The following PPME1 variants were observed in gnomAD, a reference collection of about 807,000 sequenced individuals.
PPME1 encodes testicular secretory protein Li 39.
A neutral mutation model predicts 56.9 loss-of-function variants in PPME1; 17 were observed. That is an observed-to-expected ratio of 0.30 (90% CI 0.20 to 0.45). PPME1 has a LOEUF of 0.45. Among genes scored for constraint, PPME1 ranks in the 20% least tolerant of loss-of-function variants. PPME1 has a pLI of 1.00. For missense variants in PPME1, 357 were observed against 483.2 expected (o/e 0.74, Z 2.45); for synonymous variants, 122 against 156.2 (o/e 0.78, Z 1.63).
At chr11:74,224,215 G>A (rs1274177886) in intron 4 of PPME1, among the ~76,000 whole-genome samples, 12 of 148,456 alleles carry the variant, frequency 8.1e-5, no homozygotes, top group Non-Finnish European at 7.4e-5. Flanking sequence ...TTTCCCCATT[G>A]CTTGTTTTTC....
chr11:74,225,403 G>C (rs1377156310), intron 5 of PPME1, 147 bp downstream of exon 5: 6 of 553,062 alleles, frequency 1.1e-5, no homozygotes, highest in African/African-American at 5.8e-5. Context: ...TCTACTTCTG[G>C]TTTCTCCTTA....
intron 11 of PPME1, 23 bp downstream of exon 11, chr11:74,247,146 C>A (rs1210957619): frequency 1.9e-6 from 3 of 1,592,792 alleles, no homozygotes; most frequent in East Asian, 4.5e-5. Flanking sequence ...GAAATTATAC[C>A]CCTGGACCCT....
At chr11:74,233,473 C>T (rs1859118154) in intron 7 of PPME1, among the ~76,000 whole-genome samples, 1 of 151,584 alleles carries the variant, frequency 6.6e-6, no homozygotes, top group South Asian at 2.1e-4. Flanking sequence ...TGCTTTTGCT[C>T]TCATAGGTTT....
chr11:74,232,673 ACT>A (rs1859096371), intron 7 of PPME1, among the ~76,000 whole-genome samples: 1 of 143,782 alleles, frequency 7.0e-6, no homozygotes, highest in African/African-American at 2.6e-5. Flanking sequence ...TTTTATCCAA[ACT>A]TTTTTTTTTT....
At chr11:74,213,756 A>G (rs982831824) in intron 3 of PPME1, among the ~76,000 whole-genome samples, 1 of 152,262 alleles carries the variant, frequency 6.6e-6, no homozygotes, top group Admixed American at 6.5e-5. Flanking sequence ...TGAGTCTGCA[A>G]GAGCTAGGTG....
intron 8 of PPME1, chr11:74,238,858 A>G (rs1859267769): frequency 7.7e-6 from 2 of 258,082 alleles, no homozygotes; most frequent in Non-Finnish European, 1.5e-5. Flanking sequence ...AAGATTATAT[A>G]AGATTATGCC....
chr11:74,242,435 T>G (rs2135674063), intron 9 of PPME1, among the ~76,000 whole-genome samples: 1 of 152,352 alleles, frequency 6.6e-6, no homozygotes, highest in Non-Finnish European at 1.5e-5. Flanking sequence ...TTTGTTCTTC[T>G]TTTTCAAGGT....
At chr11:74,220,012 A>G (rs770363043) in intron 3 of PPME1, among the ~76,000 whole-genome samples, 1 of 152,122 alleles carries the variant, frequency 6.6e-6, no homozygotes, top group Non-Finnish European at 1.5e-5. Context: ...CAGAATATCT[A>G]ATGTACTCCA....
chr11:74,198,988 G>A (rs993796125), intron 1 of PPME1: 2 of 152,136 alleles, frequency 1.3e-5, no homozygotes, highest in African/African-American at 2.4e-5. Flanking sequence ...CTATCTAATT[G>A]TGTCAGCTTC....
At chr11:74,217,910 C>T (rs923273474) in intron 3 of PPME1, among the ~76,000 whole-genome samples, 1 of 152,214 alleles carries the variant, frequency 6.6e-6, no homozygotes, top group East Asian at 1.9e-4. Context: ...TGTTATTCAA[C>T]ATATTATTGG....
chr11:74,188,190 C>CTTTTTTT (rs557437447), intron 1 of PPME1, among the ~76,000 whole-genome samples: 1 of 136,762 alleles, frequency 7.3e-6, no homozygotes. Flanking sequence ...TCCTTTTTCT[C>CTTTTTTT]TTTTTTTTTT....
At chr11:74,247,468 G>T in intron 11 of PPME1, 1 of 159,922 alleles carries the variant, frequency 6.3e-6, no homozygotes, top group East Asian at 1.7e-4. Flanking sequence ...CTACTGATCA[G>T]TTTTTTGTTT....
chr11:74,212,690 G>A (rs146744905), intron 3 of PPME1, among the ~76,000 whole-genome samples: 3 of 152,226 alleles, frequency 2.0e-5, no homozygotes, highest in Admixed American at 6.5e-5. Flanking sequence ...GCACCAGGCA[G>A]AGTACCAAGG....
At chr11:74,237,034 C>T (rs1203024320) in intron 8 of PPME1, among the ~76,000 whole-genome samples, 1 of 149,278 alleles carries the variant, frequency 6.7e-6, no homozygotes, top group Non-Finnish European at 1.5e-5. Flanking sequence ...CTGTCTCCCT[C>T]TTTTTTTTGA....
chr11:74,188,018 G>A lies in PPME1; in HGVS notation c.102-15710G>A, dbSNP rs530184287. Among the ~76,000 whole-genome samples, 18 of 152,208 alleles carry A rather than the reference G, an allele frequency of 1.2e-4. No homozygotes were observed. The South Asian group carries it at 3.1e-3, about 26-fold the overall frequency. On this transcript the variant is annotated intron_variant, in intron 1 of 13. Transcript: ENST00000328257. ...GCTTGCCGGCTTTAAAGTGGAGGAAGAACCTGTAAGCCAAGAAATACAGGC... is the reference window on the plus strand; with the variant it reads ...GCTTGCCGGCTTTAAAGTGGAGGAAAAACCTGTAAGCCAAGAAATACAGGC...
rs1859785357 is a variant in PPME1, at chr11:74,254,546, C to A, written c.*1036C>A. 1.3e-5 allele frequency: 2 copies of A among 153,194 alleles called. No individual in the cohort carries two copies. 9.5% of individuals were successfully genotyped at this position (153,194 alleles called of 1,614,324 possible). ...GAAGGGGCAGTGTCCTGAAGCCCAT[C>A]TTTTCTGTGACTGTCTTAGGTGATG... On this transcript the variant is annotated 3_prime_UTR_variant, in exon 14 of 14. Coordinates refer to ENST00000328257, the MANE Select transcript of PPME1 (RefSeq NM_016147.3).
chr11:74,251,724 G>T lies in PPME1; in HGVS notation c.1142+9G>T. 1 of 1,613,916 alleles carries T rather than the reference G, an allele frequency of 6.2e-7. No homozygotes were observed. The highest frequency in any genetic ancestry group is 8.5e-7 in the Non-Finnish European group (1 of 1,179,828). ...ATCGGTGGATTCCAGTGGTAAGGCG[G>T]GTACAAGGGTTTAAGAACCCAGCAG... On this transcript the variant is annotated intron_variant, in intron 13 of 13. Coordinates refer to ENST00000328257, the MANE Select transcript of PPME1 (RefSeq NM_016147.3).
intron 5 of PPME1, among the ~76,000 whole-genome samples, chr11:74,229,329 T>TA (rs958587152): frequency 6.6e-6 from 1 of 152,120 alleles, no homozygotes; most frequent in African/African-American, 2.4e-5. Flanking sequence ...AGAACTAGCC[T>TA]AAAAATATAT....
chr11:74,181,579 C>T (rs1857539365), intron 1 of PPME1, among the ~76,000 whole-genome samples: 1 of 152,180 alleles, frequency 6.6e-6, no homozygotes, highest in Admixed American at 6.5e-5. Context: ...TCCTGTAGTG[C>T]AAGGACCTTT....
Sources: gnomAD v4.1 joint callset for allele counts (sites outside exome capture counted in the v4.1 genomes callset) on GRCh38, gnomAD v4.1.1 for gene constraint, MANE v1.5 for transcripts, NCBI Gene and HGNC (gene_info 2026-07-23, HGNC 2026-07-21) for gene names.